The following RARB variants were observed in gnomAD, a reference collection of about 807,000 sequenced individuals.
RARB encodes the protein retinoic acid receptor beta, also known as HBV-activated protein.
RARB carries 17 observed loss-of-function variants against 51.9 expected under a neutral mutation model. The observed-to-expected ratio is 0.33, with a 90% CI of 0.22 to 0.49. RARB has a LOEUF of 0.49. Among genes scored for constraint, RARB ranks in the 20% least tolerant of loss-of-function variants. The pLI is 0.99. For missense variants in RARB, 369 were observed against 550.8 expected, an observed-to-expected ratio of 0.67 and a Z score of 3.30; for synonymous variants, 215 against 195.4, an observed-to-expected ratio of 1.10 and a Z score of -0.84.
At chr3:25,362,441 A>G (rs960099895) in intron 5 of RARB, among the ~76,000 whole-genome samples, 2 of 152,156 alleles carry the variant, frequency 1.3e-5, no homozygotes, top group African/African-American at 4.8e-5. Context: ...GAGCAAGACC[A>G]CTTGGCTCCC....
At chr3:25,209,990 A>G (rs961438571) in intron 5 of RARB, among the ~76,000 whole-genome samples, 10 of 152,176 alleles carry the variant, frequency 6.6e-5, no homozygotes, top group African/African-American at 2.4e-4. Context: ...ACATATTACT[A>G]TAGCCAACAT....
At chr3:25,200,728 G>C (rs1050964141) in intron 5 of RARB, among the ~76,000 whole-genome samples, 1 of 151,902 alleles carries the variant, frequency 6.6e-6, no homozygotes, top group African/African-American at 2.4e-5. Flanking sequence ...TTTTTCTCAG[G>C]TTTGTCAAAG....
At chr3:24,868,847 C>A (rs566688433) in intron 2 of RARB, among the ~76,000 whole-genome samples, 1 of 152,258 alleles carries the variant, frequency 6.6e-6, no homozygotes, top group South Asian at 2.1e-4. Flanking sequence ...TCCCACCCTG[C>A]CACTTCCAGA....
At chr3:25,216,956 G>T (rs1483416710) in intron 5 of RARB, among the ~76,000 whole-genome samples, 28 of 151,948 alleles carry the variant, frequency 1.8e-4, no homozygotes, top group Admixed American at 1.8e-3. Flanking sequence ...TTTACAAATT[G>T]GTAGTTGGAT....
intron 4 of RARB, among the ~76,000 whole-genome samples, chr3:25,570,993 G>T (rs1441245782): frequency 6.6e-6 from 1 of 151,868 alleles, no homozygotes; most frequent in Non-Finnish European, 1.5e-5. Flanking sequence ...TTCTTGGTGA[G>T]CATGGGGTGT....
At chr3:24,985,229 C>T (rs532901803) in intron 2 of RARB, among the ~76,000 whole-genome samples, 3 of 152,128 alleles carry the variant, frequency 2.0e-5, no homozygotes, top group Non-Finnish European at 4.4e-5. Context: ...AATTTATCTT[C>T]CTCACCATGA....
intron 5 of RARB, among the ~76,000 whole-genome samples, chr3:25,338,772 A>C (rs957449087): frequency 1.3e-5 from 2 of 152,048 alleles, no homozygotes; most frequent in Non-Finnish European, 2.9e-5. Context: ...CACTAATACA[A>C]CTCTAATGGT....
intron 3 of RARB, among the ~76,000 whole-genome samples, chr3:25,503,380 A>G (rs999899887): frequency 3.3e-5 from 5 of 152,230 alleles, no homozygotes; most frequent in Non-Finnish European, 4.4e-5. Flanking sequence ...GAAATTATAA[A>G]TGAGTAAGCC....
At position 25,209,185 on chromosome 3, in the gene RARB, C is replaced by T. The variant is rs116015041; in HGVS notation, c.178+34610C>T. Among the ~76,000 whole-genome samples the T allele has an allele frequency of 8.6e-3, 1,305 of 152,286 alleles. 27 individuals carry two copies. Among genetic ancestry groups the T allele is most frequent in the African/African-American group, 0.029 (1,219 of 41,566 alleles). On this transcript the variant is annotated intron_variant, in intron 5 of 11. Coordinates refer to the RARB transcript ENST00000383772. Reference sequence around the variant, plus strand: ...GGGTCCCAACCAGTTGACCCTTCGTCGGTCAGTTGGAACTCCATTTTGCTG... The same window carrying T: ...GGGTCCCAACCAGTTGACCCTTCGTTGGTCAGTTGGAACTCCATTTTGCTG...
chr3:25,150,731 T>C (rs1260161452), intron 4 of RARB, among the ~76,000 whole-genome samples: 2 of 152,172 alleles, frequency 1.3e-5, no homozygotes, highest in East Asian at 3.9e-4. Context: ...AAAGAACTTC[T>C]TTGAACTTCC....
chr3:24,926,221 A>T (rs1695318381), intron 2 of RARB, among the ~76,000 whole-genome samples: 1 of 152,132 alleles, frequency 6.6e-6, no homozygotes, highest in South Asian at 2.1e-4. Context: ...CTTAATTTAC[A>T]TTAAACATTA....
intron 5 of RARB, among the ~76,000 whole-genome samples, chr3:25,265,153 T>C (rs904981693): frequency 6.6e-6 from 1 of 152,208 alleles, no homozygotes; most frequent in Non-Finnish European, 1.5e-5. Context: ...CATTTTGTTA[T>C]AGCAGCCCAA....
At chr3:25,437,252 G>T (rs927461802) in intron 1 of RARB, among the ~76,000 whole-genome samples, 1 of 151,978 alleles carries the variant, frequency 6.6e-6, no homozygotes, top group African/African-American at 2.4e-5. Flanking sequence ...TGATTCAGGG[G>T]CATCCATTTA....
At chr3:25,582,458 C>G (rs950361515) in intron 5 of RARB, among the ~76,000 whole-genome samples, 1 of 152,006 alleles carries the variant, frequency 6.6e-6, no homozygotes, top group Admixed American at 6.5e-5. Context: ...GCCTCAGGCT[C>G]TGACCTTGAC....
chr3:25,169,458 G>A (rs1700608422), intron 4 of RARB, among the ~76,000 whole-genome samples: 1 of 152,142 alleles, frequency 6.6e-6, no homozygotes, highest in Non-Finnish European at 1.5e-5. Context: ...ATCAAATTAT[G>A]TAAATAAAGC....
chr3:25,161,162 A>G (rs1215466187), intron 4 of RARB, among the ~76,000 whole-genome samples: 1 of 148,678 alleles, frequency 6.7e-6, no homozygotes, highest in East Asian at 2.0e-4. Flanking sequence ...ACAGGCACCC[A>G]CCACCATGCC....
intron 5 of RARB, among the ~76,000 whole-genome samples, chr3:25,391,331 T>C (rs763681375): frequency 1.3e-5 from 2 of 152,190 alleles, no homozygotes; most frequent in African/African-American, 2.4e-5. Flanking sequence ...ATTTTTGCAG[T>C]TGTGAATTGT....
chr3:25,577,179 G>A (rs1490635941), intron 4 of RARB, among the ~76,000 whole-genome samples: 1 of 152,202 alleles, frequency 6.6e-6, no homozygotes, highest in African/African-American at 2.4e-5. Context: ...ACCCAACTGT[G>A]TGGGTGAATC....
intron 3 of RARB, among the ~76,000 whole-genome samples, chr3:25,077,266 T>C (rs1245923177): frequency 6.6e-6 from 1 of 152,216 alleles, no homozygotes; most frequent in Non-Finnish European, 1.5e-5. Context: ...ATATAGAGTT[T>C]AAGAAATTTT....
Sources: allele counts gnomAD v4.1 joint callset (sites outside exome capture counted in the v4.1 genomes callset), GRCh38; gene constraint gnomAD v4.1.1; transcripts MANE v1.5; gene names NCBI Gene and HGNC (gene_info 2026-07-23, HGNC 2026-07-21).